The following NRXN1 variants were observed in gnomAD, a reference collection of about 807,000 sequenced individuals.
The protein encoded by NRXN1 is neurexin 1.
A neutral mutation model predicts 150.9 loss-of-function variants in NRXN1; 39 were observed. The observed-to-expected ratio is 0.26, with a 90% CI of 0.20 to 0.34. NRXN1 has a LOEUF of 0.34. Ranked by LOEUF, NRXN1 falls within the 10% of genes least tolerant of loss-of-function variation. NRXN1 has a pLI of 1.00. For missense variants in NRXN1, 1,815 were observed against 1,949.9 expected (o/e 0.93, Z 1.30); for synonymous variants, 924 against 757.0 (o/e 1.22, Z -3.62).
chr2:50,021,877 G>A (rs951314658), intron 21 of NRXN1, among the ~76,000 whole-genome samples: 15 of 152,122 alleles, frequency 9.9e-5, no homozygotes, highest in African/African-American at 3.4e-4. Context: ...TAGAGATGGA[G>A]TCTCGTTCTG....
At chr2:50,202,125 A>G (rs56811855) in intron 18 of NRXN1, among the ~76,000 whole-genome samples, 2,972 of 152,316 alleles carry the variant, frequency 0.02, 102 homozygotes, top group African/African-American at 0.068. Context: ...GTTTTAATTT[A>G]CCATAATGGA....
intron 15 of NRXN1, among the ~76,000 whole-genome samples, chr2:50,474,886 T>C (rs1573136385): frequency 6.8e-6 from 1 of 146,988 alleles, no homozygotes; most frequent in East Asian, 2.0e-4. Context: ...TTGAGTTATT[T>C]AGATATGACA....
At position 50,927,133 on chromosome 2, in the gene NRXN1, G is replaced by A. The variant is rs569994122; in HGVS notation, c.773-1178C>T. The stretch of plus-strand genomic sequence containing the variant: ...ACTTTATAAACTCATCATCTGATCA[G>A]AGGTGTTTATAAACATGGCAACATG... On this transcript the variant is annotated intron_variant, in intron 2 of 22. Coordinates refer to ENST00000401669, the MANE Select transcript of NRXN1 (RefSeq NM_001330078.2). 5.9e-5 allele frequency among the ~76,000 whole-genome samples: 9 copies of A among 152,072 alleles called. No homozygotes were observed. In the East Asian group the frequency reaches 1.4e-3, roughly 23 times the overall value.
chr2:50,425,542 C>T (rs2084408524), intron 17 of NRXN1, among the ~76,000 whole-genome samples: 1 of 152,098 alleles, frequency 6.6e-6, no homozygotes, highest in Non-Finnish European at 1.5e-5. Context: ...GGTGGAACAG[C>T]ATTTGGTATT....
intron 21 of NRXN1, among the ~76,000 whole-genome samples, chr2:50,041,759 T>A (rs976703386): frequency 2.6e-5 from 4 of 152,182 alleles, no homozygotes; most frequent in Admixed American, 2.6e-4. Flanking sequence ...TGTCAACAAG[T>A]CTAAACAATG....
At chr2:50,332,777 T>C (rs556470195) in intron 17 of NRXN1, among the ~76,000 whole-genome samples, 1 of 152,342 alleles carries the variant, frequency 6.6e-6, no homozygotes, top group African/African-American at 2.4e-5. Flanking sequence ...CATCACAACA[T>C]TAAACTAAGA....
At position 50,545,991 on chromosome 2, in the gene NRXN1, G is replaced by T. The variant is rs117093138; in HGVS notation, c.1759+6596C>A. On this transcript the variant is annotated intron_variant, in intron 9 of 22. Transcript: ENST00000401669. Reference sequence around the variant, plus strand: ...AAGAAAAAATGTCTGTATATATTCAGAGCAGACTCAATTTTTTTCCAATTA... The same window carrying T: ...AAGAAAAAATGTCTGTATATATTCATAGCAGACTCAATTTTTTTCCAATTA... 2.3e-3 allele frequency among the ~76,000 whole-genome samples: 351 copies of T among 152,168 alleles called. 14 individuals carry two copies. The East Asian group carries it at 0.048, about 21-fold the overall frequency.
At chr2:50,288,733 C>T (rs1186171464) in intron 17 of NRXN1, among the ~76,000 whole-genome samples, 2 of 152,088 alleles carry the variant, frequency 1.3e-5, no homozygotes, top group African/African-American at 2.4e-5. Context: ...AAGGACATGT[C>T]CCCATGATTC....
At chr2:50,242,552 T>C (rs780473798) in intron 17 of NRXN1, among the ~76,000 whole-genome samples, 1 of 151,780 alleles carries the variant, frequency 6.6e-6, no homozygotes, top group African/African-American at 2.4e-5. Flanking sequence ...TCAGAAAAAG[T>C]GAACATCTTA....
chr2:50,238,672 T>A (rs1715968), intron 17 of NRXN1, among the ~76,000 whole-genome samples: 62,428 of 151,792 alleles, frequency 0.41, 13,052 homozygotes, highest in Middle Eastern at 0.45. Context: ...TACATTTAAT[T>A]AAACAGCTGA....
At chr2:50,930,780 T>A (rs1397659447) in intron 2 of NRXN1, among the ~76,000 whole-genome samples, 1 of 152,140 alleles carries the variant, frequency 6.6e-6, no homozygotes, top group Non-Finnish European at 1.5e-5. Context: ...GAGAAATGAA[T>A]GCTTCCTGAT....
At chr2:50,705,975 G>T (rs1694379939) in intron 5 of NRXN1, among the ~76,000 whole-genome samples, 1 of 152,132 alleles carries the variant, frequency 6.6e-6, no homozygotes, top group Non-Finnish European at 1.5e-5. Context: ...ATCACATATG[G>T]AGAAAAGAGG....
chr2:51,027,839 C>G lies in NRXN1; in HGVS notation c.435G>C (p.Arg145Ser). The change falls in exon 2 of 23, where the codon AGG becomes AGC. Residue 145 changes from arginine to serine, a missense_variant. Physicochemically the swap from Arg to Ser is moderately radical, Grantham distance 110 (BLOSUM62 -1). Around this residue, in one of 6 missense-constraint regions of NRXN1, gnomAD observed 554 missense variants for 478.8 expected, o/e 1.16. Transcript: ENST00000401669. ...AAAGGCCGCTGAACACCGTCATGTC[C>G]CTGCGCTTGGACTTGACCTCCACCC... ...AKWVEVKSKR[R>S]DMTVFSGLFV... is the part of the protein sequence containing the mutation. The G allele has an allele frequency of 6.2e-7, 1 of 1,613,406 alleles. No individual in the cohort carries two copies. The highest frequency in any genetic ancestry group is 1.3e-5 in the African/African-American group (1 of 75,046).
intron 5 of NRXN1, among the ~76,000 whole-genome samples, chr2:50,748,036 A>C (rs1012708720): frequency 3.9e-5 from 6 of 152,154 alleles, no homozygotes; most frequent in African/African-American, 1.4e-4. Flanking sequence ...GATAATGATA[A>C]TCTCACAAGC....
At position 50,107,539 on chromosome 2, in the gene NRXN1, A is replaced by ATATT. The variant is rs59921941; in HGVS notation, c.3547-16046_3547-16045insAATA. Among the ~76,000 whole-genome samples, 845 of 129,842 alleles carry ATATT rather than the reference A, an allele frequency of 6.5e-3. 15 individuals are homozygous for ATATT. Among genetic ancestry groups the ATATT allele is most frequent in the African/African-American group, 0.023 (773 of 34,134 alleles). The allele number at this position is 129,842 out of a possible 152,430, so 85.2% of individuals were successfully genotyped here. ...AGACTACATATATATATATATATAT[A>ATATT]TTTTTTTTTTTTACCCAAGTACTAC... On this transcript the variant is annotated intron_variant, in intron 18 of 22. Coordinates refer to ENST00000401669, the MANE Select transcript of NRXN1 (RefSeq NM_001330078.2).
chr2:50,529,897 C>G (rs979876989), intron 11 of NRXN1, among the ~76,000 whole-genome samples: 2 of 152,084 alleles, frequency 1.3e-5, no homozygotes, highest in Non-Finnish European at 2.9e-5. Context: ...CTTAATTTCA[C>G]TAATATTAAT....
intron 8 of NRXN1, among the ~76,000 whole-genome samples, chr2:50,580,381 A>G (rs1672066379): frequency 6.6e-6 from 1 of 152,220 alleles, no homozygotes; most frequent in Non-Finnish European, 1.5e-5. Context: ...GTTTCAAAAT[A>G]AAATCATTTA....
At chr2:50,507,663 G>C (rs1281394585) in intron 12 of NRXN1, among the ~76,000 whole-genome samples, 1 of 146,548 alleles carries the variant, frequency 6.8e-6, no homozygotes, top group Non-Finnish European at 1.5e-5. Flanking sequence ...AAAAGCAAGG[G>C]AAAATGCTTT....
intron 19 of NRXN1, among the ~76,000 whole-genome samples, chr2:50,070,924 T>C (rs1696198517): frequency 1.3e-5 from 2 of 152,224 alleles, no homozygotes; most frequent in Non-Finnish European, 2.9e-5. Context: ...TATAAATTTC[T>C]CTACTTCCTT....
Sources: allele counts gnomAD v4.1 joint callset (sites outside exome capture counted in the v4.1 genomes callset), GRCh38; gene constraint gnomAD v4.1.1; regional missense constraint gnomAD v4.1.1; transcripts MANE v1.5; gene names NCBI Gene and HGNC (gene_info 2026-07-23, HGNC 2026-07-21).